Variants in NPHS1 observed in about 807,000 individuals in gnomAD.
The protein encoded by NPHS1 is nephrin.
Under a neutral mutation model 139.7 loss-of-function variants are expected in NPHS1, and 107 were observed. That is an observed-to-expected ratio of 0.77 (90% CI 0.66 to 0.90). NPHS1 has a LOEUF of 0.90. NPHS1 is among the 40% of genes least tolerant of loss of function. The pLI is 0.00. For synonymous variants in NPHS1, 707 were observed against 706.6 expected, an observed-to-expected ratio of 1.00 and a Z score of -0.01; for missense variants, 1,580 against 1,654.2, an observed-to-expected ratio of 0.96 and a Z score of 0.78.
intron 4 of NPHS1, among the ~76,000 whole-genome samples, 175 bp downstream of exon 4, chr19:35,850,786 C>G (rs992163595): frequency 1.3e-5 from 2 of 152,272 alleles, no homozygotes; most frequent in East Asian, 3.9e-4. Context: ...GATGTGCCCT[C>G]GCATCCACTG....
intron 17 of NPHS1, among the ~76,000 whole-genome samples, chr19:35,842,858 C>T (rs899031652): frequency 1.1e-4 from 17 of 152,064 alleles, no homozygotes; most frequent in Admixed American, 1.0e-3. Flanking sequence ...ATCCACTCAT[C>T]GGTTCACTCA....
Position 35,851,990 on chromosome 19 carries a change from C to G in NPHS1, c.-153G>C, listed in dbSNP as rs909246138. Among the ~76,000 whole-genome samples, 1 of 152,100 alleles carries G rather than the reference C, an allele frequency of 6.6e-6. No individual in the cohort carries two copies. On this transcript the variant is annotated 5_prime_UTR_variant, in exon 1 of 29. Transcript: ENST00000378910. ...TCCTCCCTTTCTCGTTTTCCTCTTC[C>G]CCTCTTCCCTGTGAGTATCTCTCTC...
chr19:35,830,961 A>G lies in NPHS1; in HGVS notation c.3482-5T>C. The G allele has an allele frequency of 6.2e-7, 1 of 1,610,260 alleles. No individual in the cohort carries two copies. The highest frequency in any genetic ancestry group is 8.5e-7 in the Non-Finnish European group (1 of 1,176,540). The stretch of plus-strand genomic sequence containing the variant: ...CCTCATCTTCACCTGTGAAACCTGG[A>G]GTTGGAGTGGAAGGGAGACACGATC... On this transcript the variant is annotated splice_region_variant and splice_polypyrimidine_tract_variant and intron_variant, in intron 27 of 28. Coordinates refer to ENST00000378910, the MANE Select transcript of NPHS1 (RefSeq NM_004646.4).
In NPHS1 at chr19:35,851,935, G is replaced by T; in HGVS notation, c.-98C>A. The stretch of plus-strand genomic sequence containing the variant: ...CCCTCTCTGTGTGTCTCTGCCACCT[G>T]CTTTTCTTTTTTATCTCTTTCCGTT... On this transcript the variant is annotated 5_prime_UTR_variant, in exon 1 of 29. Transcript: ENST00000378910. 2.9e-6 allele frequency: 3 copies of T among 1,041,354 alleles called. No homozygotes were observed. The highest frequency in any genetic ancestry group is 4.4e-6 in the Non-Finnish European group (3 of 685,656). The allele number at this position is 1,041,354 out of a possible 1,614,324, so 64.5% of individuals were successfully genotyped here.
At chr19:35,842,590 C>T in intron 17 of NPHS1, 40 bp from the exon 18 acceptor site, 1 of 1,604,008 alleles carries the variant, frequency 6.2e-7, no homozygotes, top group Non-Finnish European at 8.5e-7. Context: ...CCCAGTCTAG[C>T]CCCAGATCCA....
intron 28 of NPHS1, 134 bp downstream of exon 28, chr19:35,830,710 A>G: frequency 1.3e-6 from 1 of 752,868 alleles, no homozygotes; most frequent in East Asian, 2.5e-5. Context: ...TGCCCAGCCG[A>G]CTGTCTTTAA....
intron 16 of NPHS1, 168 bp from the exon 17 acceptor site, chr19:35,843,761 G>A: frequency 1.2e-6 from 1 of 821,000 alleles, no homozygotes; most frequent in South Asian, 1.8e-5. Flanking sequence ...GGTTGGTGAG[G>A]TTGTCTCCAC....
In NPHS1 at chr19:35,848,654, C is replaced by T. The variant is rs1044300567; in HGVS notation, c.1153G>A (p.Glu385Lys). The T allele has an allele frequency of 1.2e-6, 2 of 1,613,784 alleles. No homozygotes were observed. The highest frequency in any genetic ancestry group is 1.7e-6 in the Non-Finnish European group (2 of 1,180,022). The change falls in exon 9 of 29, where the codon GAG becomes AAG. Residue 385 changes from glutamate to lysine, a missense_variant. Physicochemically the swap from Glu to Lys is moderately conservative, Grantham distance 56. Transcript: ENST00000378910. The part of the protein sequence containing the change: ...WLGWRQLLPM[E>K]ETVMDGLHGG... ...CGCCTCACATCCATGACTGTCTCCT[C>T]CATGGGCAGCAGCTGCCGCCAGCCC...
Position 35,849,484 on chromosome 19 carries a change from C to T in NPHS1, c.712+66G>A. On this transcript the variant is annotated intron_variant, in intron 6 of 28. Coordinates refer to ENST00000378910, the MANE Select transcript of NPHS1 (RefSeq NM_004646.4). ...CCTGAATTTCCATAATCCCTGTGAT[C>T]CCCCCACACCCCCCAGTGCCTGCTC... 5 of 1,585,224 alleles carry T rather than the reference C, an allele frequency of 3.2e-6. No individual in the cohort carries two copies. In the South Asian group the frequency reaches 3.3e-5, roughly 11 times the overall value.
chr19:35,839,570 A>G lies in NPHS1; in HGVS notation c.2853T>C (p.Ser951=). The G allele has an allele frequency of 1.2e-6, 2 of 1,614,144 alleles. No homozygotes were observed. The highest frequency in any genetic ancestry group is 1.7e-6 in the Non-Finnish European group (2 of 1,180,032). ...PDPPSGLKVV[S]LTPHSVGLEW... is the part of the protein sequence containing the mutation. ...CCAGCCCCACGGAGTGTGGGGTCAG[A>G]CTCACAACCTTTAATCCTGATGGAG... The change falls in exon 21 of 29, where the codon AGT becomes AGC. Residue 951 remains serine, a synonymous_variant. Coordinates refer to ENST00000378910, the MANE Select transcript of NPHS1 (RefSeq NM_004646.4).
chr19:35,843,323 A>C, intron 17 of NPHS1, 149 bp downstream of exon 17: 1 of 1,031,944 alleles, frequency 9.7e-7, no homozygotes, highest in Non-Finnish European at 1.5e-6. Flanking sequence ...TTTTGCCACC[A>C]ACAGTTATTC....
intron 28 of NPHS1, among the ~76,000 whole-genome samples, chr19:35,830,187 A>C (rs981249081): frequency 6.6e-6 from 1 of 152,224 alleles, no homozygotes; most frequent in Non-Finnish European, 1.5e-5. Context: ...CACATTTCAC[A>C]GCCTCCTTTG....
chr19:35,843,215 C>T (rs1973085936), intron 17 of NPHS1, among the ~76,000 whole-genome samples: 3 of 152,198 alleles, frequency 2.0e-5, no homozygotes. Flanking sequence ...TCCACTCACT[C>T]ATTCATCCAC....
In NPHS1 at chr19:35,849,552, A is replaced by T. The variant is rs373835033; in HGVS notation, c.710T>A (p.Leu237Gln). ...PIKASFTVNV[L>Q]FPPGPPVIEW... The stretch of plus-strand genomic sequence containing the variant: ...AGTTGGCCCAGTTCTCCACTTACAC[A>T]GAACATTCACGGTGAATGAGGCCTT... The change falls in exon 6 of 29, where the codon CTG becomes CAG. Residue 237 changes from leucine to glutamine, a missense_variant and splice_region_variant. Leu to Gln is a moderately radical substitution (Grantham distance 113). Coordinates refer to ENST00000378910, the MANE Select transcript of NPHS1 (RefSeq NM_004646.4). 1.5e-5 allele frequency: 25 copies of T among 1,613,280 alleles called. No homozygotes were observed. In the African/African-American group the frequency reaches 3.2e-4, roughly 21 times the overall value.
In NPHS1 at chr19:35,835,043, TACA is replaced by T. The variant is rs1972937241; in HGVS notation, c.3166+659_3166+661del. ...TGAAACCCCGTCCCTACTAAAAAAG[TACA>T]ACAATTAGCCAGGTGTGGTGGCAGG... is the stretch of plus-strand genomic sequence containing the variant. On this transcript the variant is annotated intron_variant, in intron 23 of 28. Transcript: ENST00000378910. Among the ~76,000 whole-genome samples the T allele has an allele frequency of 1.4e-5, 2 of 145,660 alleles. 1 individual carries two copies. The highest frequency in any genetic ancestry group is 4.4e-4 in the South Asian group (2 of 4,558).
intron 23 of NPHS1, among the ~76,000 whole-genome samples, chr19:35,833,322 T>G (rs1250105613): frequency 3.3e-5 from 5 of 152,150 alleles, no homozygotes; most frequent in African/African-American, 1.2e-4. Context: ...CCCTGTCTTC[T>G]ACTAATAGCA....
Position 35,851,643 on chromosome 19 carries a change from C to G in NPHS1, c.88G>C (p.Val30Leu). ...GLAQLAIPAS[V>L]PRGFWALPEN... ...GGCAGGGCCCAGAAGCCCCGGGGAA[C>G]GGAGGCAGGAATCGCCAACTGCGCC... Residue 30 changes from valine to leucine, a missense_variant, in exon 2 of 29, where the codon GTT (valine) becomes CTT (leucine). Transcript: ENST00000378910. 1.2e-6 allele frequency: 2 copies of G among 1,613,770 alleles called. No homozygotes were observed. Among genetic ancestry groups the G allele is most frequent in the Non-Finnish European group, 1.7e-6 (2 of 1,179,896 alleles).
chr19:35,848,257 T>A lies in NPHS1; in HGVS notation c.1311A>T (p.Val437=), dbSNP rs1472356995. Residue 437 remains valine (V), a synonymous_variant, in exon 10 of 29, where the codon GTA becomes GTT. Transcript: ENST00000378910. The part of the protein sequence containing the change: ...ETFKKSLILN[V]KYPAQKLWIE... ...TGGGCCAGGGCAGGGGCTCACATTTTACGTTCAGGATGAGCGACTTCTTGA... is the reference window on the plus strand; with the variant it reads ...TGGGCCAGGGCAGGGGCTCACATTTAACGTTCAGGATGAGCGACTTCTTGA... 5 of 1,614,050 alleles carry A rather than the reference T, an allele frequency of 3.1e-6. No homozygotes were observed. The highest frequency in any genetic ancestry group is 4.2e-6 in the Non-Finnish European group (5 of 1,180,018).
Position 35,842,486 on chromosome 19 carries a change from C to T in NPHS1, c.2399G>A (p.Arg800His), listed in dbSNP as rs146400394. The T allele has an allele frequency of 3.6e-5, 58 of 1,614,114 alleles. No individual in the cohort carries two copies. The highest frequency in any genetic ancestry group is 2.0e-4 in the African/African-American group (15 of 75,022). ...MEKISRGPTG[R>H]LRIHHAKLAQ... is the part of the protein sequence containing the mutation. Reference sequence around the variant, plus strand: ...CAGTTTGGCATGGTGAATCCGCAGGCGCCCCGTTGGTCCCCTGGATATCTT... The same window carrying T: ...CAGTTTGGCATGGTGAATCCGCAGGTGCCCCGTTGGTCCCCTGGATATCTT... Residue 800 changes from arginine (R) to histidine (H), a missense_variant, in exon 18 of 29, where the codon CGC becomes CAC. Arg to His is a conservative substitution (Grantham distance 29). Coordinates refer to ENST00000378910, the MANE Select transcript of NPHS1 (RefSeq NM_004646.4).
Sources: allele counts gnomAD v4.1 joint callset (sites outside exome capture counted in the v4.1 genomes callset), GRCh38; gene constraint gnomAD v4.1.1; transcripts MANE v1.5; gene names NCBI Gene and HGNC (gene_info 2026-07-23, HGNC 2026-07-21).